The following ZNF469 variants were observed in gnomAD, a reference collection of about 807,000 sequenced individuals.
ZNF469 encodes zinc finger protein 469.
In ZNF469, 1 loss-of-function variant was observed where a neutral mutation model predicts 1.0. The ratio of observed to expected loss-of-function variants is 1.00; its 90% CI spans 0.35 to 4.73. ZNF469 has a LOEUF of 4.73. Among genes scored for constraint, ZNF469 ranks in the 30% most tolerant of loss-of-function variants. ZNF469 has a pLI of 0.16. For synonymous variants in ZNF469, 2,703 were observed against 2,363.4 expected, an observed-to-expected ratio of 1.14 and a Z score of -4.17; for missense variants, 6,100 against 5,356.3, an observed-to-expected ratio of 1.14 and a Z score of -4.33.
At chr16:88,319,232 C>T in the ZNF469 span, among the ~76,000 whole-genome samples, 1 of 152,100 alleles carries the variant, frequency 6.6e-6, no homozygotes, top group South Asian at 2.1e-4. Context: ...GCCTCACCTC[C>T]GAGGGGGCCT....
At chr16:88,208,099 C>T in the ZNF469 span, among the ~76,000 whole-genome samples, 14 of 151,716 alleles carry the variant, frequency 9.2e-5, no homozygotes, top group African/African-American at 1.5e-4. Flanking sequence ...AGTGTGGACT[C>T]GTGGCTTTTT....
At chr16:88,180,570 G>A in the ZNF469 span, among the ~76,000 whole-genome samples, 5 of 152,104 alleles carry the variant, frequency 3.3e-5, no homozygotes, top group East Asian at 1.9e-4. Flanking sequence ...TCAGGAGTTC[G>A]AGACCAGCCT....
At chr16:88,215,383 A>ATTTTTTTTTTTTTTTTTTTTTT in the ZNF469 span, among the ~76,000 whole-genome samples, 1 of 94,188 alleles carries the variant, frequency 1.1e-5, no homozygotes, top group Non-Finnish European at 1.9e-5. Flanking sequence ...TTGCCTTTTA[A>ATTTTTTTTTTTTTTTTTTTTTT]TTTTTTTTTT....
chr16:88,228,157 G>A, the ZNF469 span, among the ~76,000 whole-genome samples: 2 of 152,262 alleles, frequency 1.3e-5, no homozygotes. Context: ...ATCTTCTGAG[G>A]TTGCAGGAAG....
At chr16:88,119,587 G>A in the ZNF469 span, among the ~76,000 whole-genome samples, 4 of 152,152 alleles carry the variant, frequency 2.6e-5, no homozygotes, top group Admixed American at 6.5e-5. Flanking sequence ...TCACGGGGCC[G>A]GCAGCCTGGA....
At position 88,435,098 on chromosome 16, in the gene ZNF469, G is replaced by A. The variant is rs771550262; in HGVS notation, c.7628G>A (p.Arg2543Gln). ...GGGAAGGAGAGACCAAATCACTCAC[G>A]GGGAGACCCCAGCCACGTCACCCAG... ...VSGKERPNHS[R>Q]GDPSHVTQPP... The change falls in exon 3 of 3, where the codon CGG (arginine) becomes CAG (glutamine). Residue 2543 changes from arginine to glutamine, a missense_variant. Coordinates refer to ENST00000565624, the MANE Select transcript of ZNF469 (RefSeq NM_001367624.2). The A allele has an allele frequency of 1.7e-5, 27 of 1,550,254 alleles. No homozygotes were observed. Among genetic ancestry groups the A allele is most frequent in the South Asian group, 7.1e-5 (6 of 84,060 alleles).
chr16:88,121,767 T>G, the ZNF469 span, among the ~76,000 whole-genome samples: 1 of 152,262 alleles, frequency 6.6e-6, no homozygotes, highest in Non-Finnish European at 1.5e-5. Context: ...CTGATATAAC[T>G]GTGCAAATAC....
At chr16:88,381,027 C>T (rs916756978), upstream of ZNF469, among the ~76,000 whole-genome samples, 1 of 149,502 alleles carries the variant, frequency 6.7e-6, no homozygotes, top group South Asian at 2.2e-4. Context: ...CACAGACATG[C>T]ACTCACACAC....
chr16:88,144,753 G>T, the ZNF469 span, among the ~76,000 whole-genome samples: 2 of 152,160 alleles, frequency 1.3e-5, no homozygotes, highest in African/African-American at 2.4e-5. Context: ...AGTTCAACTT[G>T]TTGGGTTTTG....
At chr16:88,241,314 G>A in the ZNF469 span, among the ~76,000 whole-genome samples, 3 of 151,410 alleles carry the variant, frequency 2.0e-5, no homozygotes, top group Middle Eastern at 3.4e-3. The surrounding 1 kb of genome is among the most constrained non-coding windows in gnomAD (Gnocchi z 4.8). Flanking sequence ...AGCCAAGATC[G>A]CGCCACTGCA....
At chr16:88,249,348 C>G in the ZNF469 span, among the ~76,000 whole-genome samples, 1 of 151,708 alleles carries the variant, frequency 6.6e-6, no homozygotes, top group East Asian at 1.9e-4. Flanking sequence ...CCACTTTAGC[C>G]TCCCAAGCAG....
At chr16:88,158,187 C>G in the ZNF469 span, among the ~76,000 whole-genome samples, 1 of 151,946 alleles carries the variant, frequency 6.6e-6, no homozygotes, top group African/African-American at 2.4e-5. Context: ...CTGCTGGGGC[C>G]CCACCTTGAG....
the ZNF469 span, among the ~76,000 whole-genome samples, chr16:88,270,792 A>G: frequency 1.3e-5 from 2 of 152,196 alleles, no homozygotes; most frequent in Admixed American, 6.5e-5. Flanking sequence ...TGTGGTGTTC[A>G]AGGCTTTCTA....
In ZNF469 at chr16:88,437,771, A is replaced by G; in HGVS notation, c.10301A>G (p.Asp3434Gly). 2.6e-6 allele frequency: 4 copies of G among 1,549,382 alleles called. No homozygotes were observed. The highest frequency in any genetic ancestry group is 2.6e-6 in the Non-Finnish European group (3 of 1,146,360). The change falls in exon 3 of 3, where the codon GAC becomes GGC. Residue 3434 changes from aspartate (D) to glycine (G), a missense_variant. Coordinates refer to ENST00000565624, the MANE Select transcript of ZNF469 (RefSeq NM_001367624.2). ...ACCTTCGCCAAGAAGGAGCAGTTCG[A>G]CCGCCACATGAACAAGCACCTCAGG... ...NYTFAKKEQF[D>G]RHMNKHLRGG... is the part of the protein sequence containing the mutation.
chr16:88,199,200 G>A, the ZNF469 span, among the ~76,000 whole-genome samples: 3 of 152,194 alleles, frequency 2.0e-5, no homozygotes, highest in Non-Finnish European at 1.5e-5. Context: ...CATGGGCACC[G>A]CCCACCTGGC....
At chr16:88,127,115 G>A in the ZNF469 span, among the ~76,000 whole-genome samples, 2 of 152,114 alleles carry the variant, frequency 1.3e-5, no homozygotes, top group South Asian at 2.1e-4. Flanking sequence ...GAGCCACCAC[G>A]CCCGGCCCAG....
chr16:88,308,398 C>T, the ZNF469 span, among the ~76,000 whole-genome samples: 3 of 152,182 alleles, frequency 2.0e-5, no homozygotes, highest in African/African-American at 7.2e-5. Context: ...ATTGCACTGA[C>T]TCAGGGATAA....
At chr16:88,376,373 G>C in the ZNF469 span, among the ~76,000 whole-genome samples, 1 of 152,254 alleles carries the variant, frequency 6.6e-6, no homozygotes, top group Admixed American at 6.5e-5. Flanking sequence ...CGGTGTGAGG[G>C]GACGTCCGGG....
chr16:88,122,271 C>T, the ZNF469 span, among the ~76,000 whole-genome samples: 3 of 150,668 alleles, frequency 2.0e-5, no homozygotes, highest in Non-Finnish European at 3.0e-5. Context: ...TCTGATCACA[C>T]CCCATCACTT....
Sources: gnomAD v4.1 joint callset for allele counts (sites outside exome capture counted in the v4.1 genomes callset) on GRCh38, gnomAD v4.1.1 for gene constraint, Gnocchi (gnomAD v3.1) non-coding constraint, MANE v1.5 for transcripts, NCBI Gene and HGNC (gene_info 2026-07-23, HGNC 2026-07-21) for gene names.